The following LRBA variants were observed in gnomAD, a reference collection of about 807,000 sequenced individuals.
LRBA encodes lipopolysaccharide-responsive and beige-like anchor protein.
LRBA carries 176 observed loss-of-function variants against 330.0 expected under a neutral mutation model. That is an observed-to-expected ratio of 0.53 (90% CI 0.47 to 0.60). The LOEUF (loss-of-function observed/expected upper bound fraction) is 0.60, where lower values mean the gene tolerates loss of function less well. Among genes scored for constraint, LRBA ranks in the 20% least tolerant of loss-of-function variants. The pLI, the probability that LRBA is intolerant of heterozygous loss-of-function variation, is 0.00. For missense variants in LRBA, 3,259 were observed against 3,444.8 expected (o/e 0.95, Z 1.35); for synonymous variants, 1,230 against 1,193.0 (o/e 1.03, Z -0.64).
intron 46 of LRBA, chr4:150,423,652 G>A (rs1374603098): frequency 3.7e-5 from 10 of 273,162 alleles, no homozygotes; most frequent in South Asian, 8.2e-5. Flanking sequence ...TCCCAGCTCC[G>A]GGTGGGCAGC....
chr4:150,427,407 CAA>C (rs1335140889), intron 46 of LRBA, among the ~76,000 whole-genome samples: 2 of 151,938 alleles, frequency 1.3e-5, no homozygotes, highest in Non-Finnish European at 2.9e-5. Context: ...TTAATTAGCA[CAA>C]AGTTTCATCA....
At chr4:150,587,714 T>C (rs1249720294) in intron 40 of LRBA, among the ~76,000 whole-genome samples, 1 of 151,782 alleles carries the variant, frequency 6.6e-6, no homozygotes, top group African/African-American at 2.4e-5. Context: ...ATAATTCCAC[T>C]CTCAATCTCA....
At chr4:150,963,677 G>A (rs1396564868) in intron 2 of LRBA, among the ~76,000 whole-genome samples, 6 of 143,044 alleles carry the variant, frequency 4.2e-5, no homozygotes, top group Admixed American at 6.8e-5. Context: ...CCCTCTGCCT[G>A]GCCGCCCAGT....
intron 36 of LRBA, among the ~76,000 whole-genome samples, chr4:150,713,358 A>C (rs1427571885): frequency 2.0e-5 from 3 of 152,208 alleles, no homozygotes; most frequent in Non-Finnish European, 4.4e-5. Flanking sequence ...TGCTACACAT[A>C]GGTAGAGAAG....
At chr4:150,409,032 C>T (rs192552578) in intron 47 of LRBA, among the ~76,000 whole-genome samples, 3 of 152,022 alleles carry the variant, frequency 2.0e-5, no homozygotes, top group Non-Finnish European at 4.4e-5. Flanking sequence ...CAGAAGGTGG[C>T]CTTATATGAA....
chr4:150,509,105 C>T (rs1426495440), intron 40 of LRBA, among the ~76,000 whole-genome samples: 1 of 152,052 alleles, frequency 6.6e-6, no homozygotes, highest in African/African-American at 2.4e-5. Context: ...AACATTCTTA[C>T]CACAAGATAT....
intron 36 of LRBA, among the ~76,000 whole-genome samples, chr4:150,702,836 ATTG>A (rs1785242784): frequency 6.6e-6 from 1 of 152,208 alleles, no homozygotes; most frequent in African/African-American, 2.4e-5. Flanking sequence ...CAACCATCAA[ATTG>A]TTAAGTTCAG....
chr4:150,788,471 G>A (rs1205124425), intron 34 of LRBA, among the ~76,000 whole-genome samples: 1 of 151,842 alleles, frequency 6.6e-6, no homozygotes, highest in Non-Finnish European at 1.5e-5. Flanking sequence ...ATTTGCCAAG[G>A]TTACACAGTA....
intron 37 of LRBA, among the ~76,000 whole-genome samples, chr4:150,649,021 C>T (rs1052767926): frequency 3.3e-5 from 5 of 152,142 alleles, no homozygotes; most frequent in African/African-American, 4.8e-5. Context: ...ATCTAAGGCC[C>T]TTTTCTTAGA....
chr4:150,935,746 CTAAT>C (rs1735023613), intron 2 of LRBA, among the ~76,000 whole-genome samples: 1 of 151,620 alleles, frequency 6.6e-6, no homozygotes, highest in African/African-American at 2.4e-5. Context: ...AGAAAATAAT[CTAAT>C]TAAAATAAAA....
rs13101761 is a variant in LRBA, at chr4:150,639,943, C to T, written c.5922-40812G>A. Among the ~76,000 whole-genome samples the T allele has an allele frequency of 2.1e-5, 3 of 144,136 alleles. No homozygotes were observed. The East Asian group carries it at 6.1e-4, about 29-fold the overall frequency. 94.6% of individuals were successfully genotyped at this position (144,136 alleles called of 152,430 possible). Reference sequence around the variant, plus strand: ...ATGATCTCTGCTCACTGCAACCTCCCCCTCCCGGGTTCAAGCGATTCTTTT... The same window carrying T: ...ATGATCTCTGCTCACTGCAACCTCCTCCTCCCGGGTTCAAGCGATTCTTTT... On this transcript the variant is annotated intron_variant, in intron 37 of 56. Transcript: ENST00000651943.
chr4:150,731,661 G>T (rs1044360512), intron 36 of LRBA, among the ~76,000 whole-genome samples: 3 of 152,148 alleles, frequency 2.0e-5, no homozygotes, highest in Non-Finnish European at 4.4e-5. Flanking sequence ...TTTACTCAGA[G>T]AGACAGTAGA....
intron 22 of LRBA, among the ~76,000 whole-genome samples, chr4:150,860,465 T>A (rs1235307328): frequency 5.9e-5 from 9 of 152,138 alleles, no homozygotes; most frequent in Admixed American, 5.9e-4. Flanking sequence ...ACTAGAGACC[T>A]CTCCTTAAAG....
chr4:150,908,464 C>T lies in LRBA; in HGVS notation c.1363G>A (p.Val455Ile), dbSNP rs983475147. 2 of 1,589,446 alleles carry T rather than the reference C, an allele frequency of 1.3e-6. No individual in the cohort carries two copies. The highest frequency in any genetic ancestry group is 1.7e-6 in the Non-Finnish European group (2 of 1,172,966). The change falls in exon 11 of 57, where the codon GTA (valine) becomes ATA (isoleucine). Residue 455 changes from valine (V) to isoleucine (I), a missense_variant. Physicochemically the swap from Val to Ile is conservative, Grantham distance 29 (BLOSUM62 3). Transcript: ENST00000651943. ...ATGGAATGTGTTAAAACTGCCTTTA[C>T]ATCCTTGTAAGATCAAAAACACAGT... ...HSPHALMLQD[V>I]KAVLTHSIQS...
chr4:150,538,689 C>T (rs942129679), intron 40 of LRBA, among the ~76,000 whole-genome samples: 7 of 151,784 alleles, frequency 4.6e-5, no homozygotes, highest in Admixed American at 2.0e-4. Flanking sequence ...ACTGGCCAGG[C>T]GCACACCTGT....
chr4:150,897,926 T>C, intron 14 of LRBA, 108 bp from the exon 15 acceptor site: 9 of 722,380 alleles, frequency 1.2e-5, no homozygotes, highest in South Asian at 1.2e-4. Context: ...GTAAGAAATA[T>C]AAAGGTAGGT....
At chr4:150,621,601 A>G (rs1176518334) in intron 37 of LRBA, among the ~76,000 whole-genome samples, 1 of 152,190 alleles carries the variant, frequency 6.6e-6, no homozygotes. Context: ...GAATTAAATA[A>G]TCTTTACCTC....
intron 17 of LRBA, among the ~76,000 whole-genome samples, chr4:150,878,868 T>G (rs1337411899): frequency 6.6e-6 from 1 of 151,890 alleles, no homozygotes; most frequent in African/African-American, 2.4e-5. Flanking sequence ...AGGAATTTTT[T>G]TTTTTTTTTT....
intron 46 of LRBA, among the ~76,000 whole-genome samples, chr4:150,434,804 T>C (rs1750889905): frequency 6.6e-6 from 1 of 151,538 alleles, no homozygotes; most frequent in African/African-American, 2.4e-5. Context: ...CTACAGTGAA[T>C]TGTGATTGTG....
Sources: gnomAD v4.1 joint callset for allele counts (sites outside exome capture counted in the v4.1 genomes callset) on GRCh38, gnomAD v4.1.1 for gene constraint, MANE v1.5 for transcripts, NCBI Gene and HGNC (gene_info 2026-07-23, HGNC 2026-07-21) for gene names.